Variants in L3MBTL2 observed in about 807,000 individuals in gnomAD.
L3MBTL2 encodes the protein L3MBTL histone methyl-lysine binding protein 2.
In L3MBTL2, 49 loss-of-function variants were observed where a neutral mutation model predicts 86.4. The observed-to-expected ratio is 0.57, with a 90% CI of 0.45 to 0.72. The LOEUF (loss-of-function observed/expected upper bound fraction) is 0.72. Among genes scored for constraint, L3MBTL2 ranks in the 30% least tolerant of loss-of-function variants. The pLI is 0.00. For missense variants in L3MBTL2, 755 were observed against 923.7 expected (o/e 0.82, Z 2.37); for synonymous variants, 336 against 350.6 (o/e 0.96, Z 0.47).
intron 5 of L3MBTL2, chr22:41,217,945 G>A (rs747983024): frequency 6.6e-6 from 1 of 152,226 alleles, no homozygotes; most frequent in Non-Finnish European, 1.5e-5. Context: ...CACTCCTCTC[G>A]TCTCTGAATG....
chr22:41,211,751 G>T (rs1012945942), intron 2 of L3MBTL2, among the ~76,000 whole-genome samples: 83 of 144,290 alleles, frequency 5.8e-4, no homozygotes, highest in African/African-American at 2.1e-3. Context: ...TAGAGACGGG[G>T]TTTCACCATG....
intron 3 of L3MBTL2, among the ~76,000 whole-genome samples, chr22:41,214,900 A>G (rs2031215560): frequency 6.6e-6 from 1 of 152,020 alleles, no homozygotes; most frequent in African/African-American, 2.4e-5. Flanking sequence ...AGTCCCAGTT[A>G]CTCGGGAGGC....
rs142094868 is a variant in L3MBTL2 at position 41,224,729 on chromosome 22, G to A, written c.1179G>A (p.Arg393=). 5.2e-5 allele frequency: 84 copies of A among 1,613,066 alleles called. No individual in the cohort carries two copies. In the African/African-American group the frequency reaches 1.0e-3, roughly 19 times the overall value. The change falls in exon 10 of 17, where the codon AGG becomes AGA. Residue 393 remains arginine, a synonymous_variant. Coordinates refer to ENST00000216237, the MANE Select transcript of L3MBTL2 (RefSeq NM_031488.5). This position sits in a 1 kb window ranked among gnomAD's most constrained non-coding sequence, Gnocchi z 4.9. ...RVGHGIKMSE[R]RSDMAHHPTF... is the part of the protein sequence containing the mutation. Reference sequence around the variant, plus strand: ...CCCTATCCATCTCCTCCAAAGAGAGGCGAAGTGACATGGCCCATCACCCCA... The same window carrying A: ...CCCTATCCATCTCCTCCAAAGAGAGACGAAGTGACATGGCCCATCACCCCA...
chr22:41,229,415 C>A (rs1023041994), intron 15 of L3MBTL2, 125 bp from the exon 16 acceptor site: 2 of 1,040,436 alleles, frequency 1.9e-6, no homozygotes, highest in East Asian at 2.5e-5. Flanking sequence ...GGAGTCCAGG[C>A]TTTCTGTCCC....
chr22:41,213,123 A>G (rs1036366479), intron 2 of L3MBTL2, among the ~76,000 whole-genome samples: 3 of 152,292 alleles, frequency 2.0e-5, no homozygotes, highest in Non-Finnish European at 2.9e-5. Context: ...AGGCTGATGC[A>G]GGAGAATGGC....
chr22:41,216,928 C>G (rs1224155300), intron 4 of L3MBTL2, 195 bp from the exon 5 acceptor site: 2 of 560,744 alleles, frequency 3.6e-6, no homozygotes, highest in African/African-American at 1.9e-5. Context: ...TCAATTCAGT[C>G]CTCAACAGTG....
At position 41,213,883 on chromosome 22, in the gene L3MBTL2, C is replaced by T. The variant is rs1278643765; in HGVS notation, c.263-10C>T. 8.7e-6 allele frequency: 14 copies of T among 1,613,866 alleles called. No homozygotes were observed. The highest frequency in any genetic ancestry group is 1.2e-5 in the Non-Finnish European group (14 of 1,179,946). The stretch of plus-strand genomic sequence containing the variant: ...TATCGGGTGAGTCATGTGCTAAGTT[C>T]TCTTCCCAGCTGTCTGTGAGATGTG... On this transcript the variant is annotated splice_polypyrimidine_tract_variant and intron_variant, in intron 2 of 16. Transcript: ENST00000216237.
At chr22:41,210,713 C>T (rs1027084012) in intron 2 of L3MBTL2, among the ~76,000 whole-genome samples, 1 of 152,200 alleles carries the variant, frequency 6.6e-6, no homozygotes, top group Non-Finnish European at 1.5e-5. Flanking sequence ...ATCCACCCAC[C>T]TCAGCTTCCC....
chr22:41,215,615 T>C (rs13054131), intron 3 of L3MBTL2, among the ~76,000 whole-genome samples: 61,913 of 149,164 alleles, frequency 0.42, 13,783 homozygotes, highest in African/African-American at 0.56. Context: ...TAATGAAAGC[T>C]GTGGGTCCTC....
intron 8 of L3MBTL2, among the ~76,000 whole-genome samples, chr22:41,222,627 AACAT>A (rs1269192239): frequency 6.6e-6 from 1 of 152,156 alleles, no homozygotes; most frequent in Non-Finnish European, 1.5e-5. Context: ...AAAAAAAAAA[AACAT>A]TAGCTAGGCA....
intron 1 of L3MBTL2, among the ~76,000 whole-genome samples, chr22:41,206,709 G>T (rs1180796034): frequency 6.6e-6 from 1 of 151,912 alleles, no homozygotes; most frequent in Non-Finnish European, 1.5e-5. Flanking sequence ...TGAGGCGGGA[G>T]AATGGCGTGA....
chr22:41,209,106 C>CTT (rs67934576), intron 1 of L3MBTL2: 17 of 137,880 alleles, frequency 1.2e-4, no homozygotes, highest in South Asian at 2.3e-4. Flanking sequence ...GGATATTTCA[C>CTT]TTTTTTTTTT....
intron 5 of L3MBTL2, 22 bp downstream of exon 5, chr22:41,217,224 G>A (rs2031457576): frequency 6.3e-7 from 1 of 1,599,302 alleles, no homozygotes; most frequent in Non-Finnish European, 8.5e-7. Flanking sequence ...GGAGCTGAGG[G>A]AGGGAGGCCG....
chr22:41,211,557 C>CTTTCTTTCTTTTTT (rs1039028243), intron 2 of L3MBTL2, among the ~76,000 whole-genome samples: 3 of 97,392 alleles, frequency 3.1e-5, no homozygotes, highest in Non-Finnish European at 6.0e-5. Context: ...ATCTTATTTC[C>CTTTCTTTCTTTTTT]TTTTTTTTTT....
In L3MBTL2 at chr22:41,208,795, G is replaced by A. The variant is rs184566506; in HGVS notation, c.25-901G>A. Among the ~76,000 whole-genome samples, 265 of 152,314 alleles carry A rather than the reference G, an allele frequency of 1.7e-3. 1 individual carries two copies. The highest frequency in any genetic ancestry group is 6.0e-3 in the African/African-American group (249 of 41,564). On this transcript the variant is annotated intron_variant, in intron 1 of 16. Transcript: ENST00000216237. ...CATCTCACTCCATTACCAGGCTGGA[G>A]TGCAGTGGCGCGATCTTAGCTCGCT...
chr22:41,214,941 G>A (rs949206841), intron 3 of L3MBTL2, among the ~76,000 whole-genome samples: 2 of 152,166 alleles, frequency 1.3e-5, no homozygotes, highest in African/African-American at 4.8e-5. Flanking sequence ...AACTTGGGAG[G>A]TGGAGGTTGC....
chr22:41,225,257 G>A lies in L3MBTL2; in HGVS notation c.1356+186G>A, dbSNP rs574914336. On this transcript the variant is annotated intron_variant, in intron 11 of 16. Transcript: ENST00000216237. The surrounding 1 kb of genome is among the most constrained non-coding windows in gnomAD (Gnocchi z 4.1). ...TGCCCCTTGCTCAGAATCTGCTTTC[G>A]TGTCAGGGTCCAAGGCTCCCTGGAC... Among the ~76,000 whole-genome samples, 2 of 152,202 alleles carry A rather than the reference G, an allele frequency of 1.3e-5. No individual in the cohort carries two copies. The highest frequency in any genetic ancestry group is 2.4e-5 in the African/African-American group (1 of 41,442).
At chr22:41,205,563 C>T (rs1408809913) in intron 1 of L3MBTL2, among the ~76,000 whole-genome samples, 177 bp downstream of exon 1, 1 of 152,122 alleles carries the variant, frequency 6.6e-6, no homozygotes, top group Admixed American at 6.6e-5. Context: ...TTGCCCCTCT[C>T]CTGCTGGGGC....
chr22:41,226,846 T>A, intron 13 of L3MBTL2, 102 bp downstream of exon 13: 2 of 920,848 alleles, frequency 2.2e-6, no homozygotes, highest in Non-Finnish European at 3.4e-6. Context: ...CTCGAATCTC[T>A]ACTGCTGACA....
Sources: allele counts gnomAD v4.1 joint callset (sites outside exome capture counted in the v4.1 genomes callset), GRCh38; gene constraint gnomAD v4.1.1; non-coding constraint Gnocchi (gnomAD v3.1); transcripts MANE v1.5; gene names NCBI Gene and HGNC (gene_info 2026-07-23, HGNC 2026-07-21).